Variants in CEP83 observed in about 807,000 individuals in gnomAD.
CEP83 encodes centrosomal protein of 83 kDa.
Under a neutral mutation model 101.9 loss-of-function variants are expected in CEP83, and 70 were observed. That is an observed-to-expected ratio of 0.69 (90% confidence interval 0.57 to 0.84). The LOEUF (loss-of-function observed/expected upper bound fraction) is 0.84. CEP83 is among the 40% of genes least tolerant of loss of function. CEP83 has a pLI of 0.00. For synonymous variants in CEP83, 264 were observed against 267.9 expected (o/e 0.99, Z 0.14); for missense variants, 715 against 787.2 (o/e 0.91, Z 1.10).
chr12:94,419,682 C>A (rs1287787127), intron 2 of CEP83, among the ~76,000 whole-genome samples: 1 of 151,970 alleles, frequency 6.6e-6, no homozygotes, highest in Non-Finnish European at 1.5e-5. Context: ...CAGGACACAG[C>A]CCATAAACTG....
At chr12:94,306,237 A>AG (rs1968998581), downstream of CEP83, 1 of 151,882 alleles carries the variant, frequency 6.6e-6, no homozygotes, top group Non-Finnish European at 1.5e-5. Flanking sequence ...AAAAAAAAAA[A>AG]GATACATTTT....
At chr12:94,343,470 C>CTTTTTTTTTTTTTTTTTTT (rs1161481202) in intron 11 of CEP83, among the ~76,000 whole-genome samples, 5 of 84,168 alleles carry the variant, frequency 5.9e-5, no homozygotes, top group African/African-American at 2.1e-4. Flanking sequence ...TAGAAATTAA[C>CTTTTTTTTTTTTTTTTTTT]TTTTTTTTTT....
the CEP83 span, among the ~76,000 whole-genome samples, chr12:94,291,792 A>G: frequency 6.6e-6 from 1 of 152,154 alleles, no homozygotes; most frequent in East Asian, 1.9e-4. Flanking sequence ...TCGTGGGTAC[A>G]TGTGCAGGTT....
intron 14 of CEP83, among the ~76,000 whole-genome samples, chr12:94,315,462 T>A (rs190977711): frequency 6.6e-6 from 1 of 152,174 alleles, no homozygotes; most frequent in African/African-American, 2.4e-5. Flanking sequence ...TAGTTCTTTA[T>A]ATATTCAAGA....
intron 1 of CEP83, among the ~76,000 whole-genome samples, chr12:94,440,470 T>C (rs919113102): frequency 6.7e-6 from 1 of 150,046 alleles, no homozygotes; most frequent in Non-Finnish European, 1.5e-5. Flanking sequence ...TACTTAGGAA[T>C]ATACCTAACC....
chr12:94,448,863 C>T (rs566285188), intron 1 of CEP83, among the ~76,000 whole-genome samples: 60 of 151,842 alleles, frequency 4.0e-4, no homozygotes, highest in Admixed American at 3.6e-3. Context: ...AAGCTTCCAT[C>T]TTAGGAAACT....
chr12:94,286,257 A>G, the CEP83 span, among the ~76,000 whole-genome samples: 1 of 152,206 alleles, frequency 6.6e-6, no homozygotes, highest in East Asian at 1.9e-4. Flanking sequence ...TTATGTTTAA[A>G]AAGCTAAGCC....
At chr12:94,280,571 G>A in the CEP83 span, among the ~76,000 whole-genome samples, 1 of 152,338 alleles carries the variant, frequency 6.6e-6, no homozygotes, top group East Asian at 1.9e-4. Context: ...AAGCAGGGCT[G>A]CTAAGGCACC....
chr12:94,377,027 G>C (rs1444666266), intron 7 of CEP83, among the ~76,000 whole-genome samples: 1 of 151,928 alleles, frequency 6.6e-6, no homozygotes, highest in Non-Finnish European at 1.5e-5. Flanking sequence ...AGGCATAAGC[G>C]ACCACACCTG....
At chr12:94,410,129 A>G (rs1231888201) in intron 4 of CEP83, among the ~76,000 whole-genome samples, 1 of 152,182 alleles carries the variant, frequency 6.6e-6, no homozygotes, top group Non-Finnish European at 1.5e-5. Context: ...ATCCCAATTC[A>G]TTCATTTATT....
intron 2 of CEP83, among the ~76,000 whole-genome samples, chr12:94,415,326 A>G (rs936552408): frequency 6.6e-6 from 1 of 152,144 alleles, no homozygotes; most frequent in African/African-American, 2.4e-5. Context: ...GACAAAACTA[A>G]AGGACTGAGC....
intron 11 of CEP83, among the ~76,000 whole-genome samples, chr12:94,343,061 G>A (rs983122381): frequency 6.6e-6 from 1 of 151,774 alleles, no homozygotes; most frequent in Non-Finnish European, 1.5e-5. Flanking sequence ...GATCCTATGT[G>A]TACAGACACA....
intron 11 of CEP83, among the ~76,000 whole-genome samples, chr12:94,357,501 CGG>C (rs1555228612): frequency 2.6e-5 from 4 of 152,146 alleles, no homozygotes; most frequent in Non-Finnish European, 5.9e-5. Flanking sequence ...AATCCGATTT[CGG>C]GAAATGCCAT....
intron 11 of CEP83, among the ~76,000 whole-genome samples, chr12:94,338,967 T>C (rs571483890): frequency 6.6e-6 from 1 of 152,006 alleles, no homozygotes; most frequent in Admixed American, 6.5e-5. Context: ...TTCTTTTTTT[T>C]TTTTTCTTTT....
At chr12:94,404,486 A>G (rs1018553765) in intron 4 of CEP83, among the ~76,000 whole-genome samples, 10 of 152,164 alleles carry the variant, frequency 6.6e-5, no homozygotes, top group Admixed American at 5.2e-4. Context: ...GGACCACATT[A>G]AGTACTACAG....
chr12:94,363,774 C>T (rs537956470), intron 11 of CEP83, among the ~76,000 whole-genome samples: 3 of 151,882 alleles, frequency 2.0e-5, no homozygotes, highest in South Asian at 4.2e-4. Flanking sequence ...CATGGTGAAA[C>T]GGCATCTCTA....
intron 11 of CEP83, among the ~76,000 whole-genome samples, chr12:94,359,879 A>C (rs1349439853): frequency 6.6e-6 from 1 of 152,150 alleles, no homozygotes; most frequent in Non-Finnish European, 1.5e-5. Context: ...AAAAACCCTC[A>C]ACAAAAACAC....
chr12:94,401,069 C>T lies in CEP83; in HGVS notation c.418-88G>A, dbSNP rs551057302. 7.5e-6 allele frequency: 5 copies of T among 669,404 alleles called. No individual in the cohort carries two copies. The South Asian group carries it at 2.2e-4, about 29-fold the overall frequency. 41.5% of individuals were successfully genotyped at this position (669,404 alleles called of 1,614,324 possible). ...CTTTTACAAATATAATTTTAAATTA[C>T]ATTATAATGATAGCCACTCTAAAAG... On this transcript the variant is annotated intron_variant, in intron 5 of 16. Transcript: ENST00000397809.
chr12:94,420,857 C>G (rs1230353043), intron 2 of CEP83, among the ~76,000 whole-genome samples: 2 of 151,904 alleles, frequency 1.3e-5, no homozygotes, highest in Non-Finnish European at 1.5e-5. Context: ...ATAGGGGATA[C>G]ATGCTTAGGT....
Sources: allele counts gnomAD v4.1 joint callset (sites outside exome capture counted in the v4.1 genomes callset), GRCh38; gene constraint gnomAD v4.1.1; transcripts MANE v1.5; gene names NCBI Gene and HGNC (gene_info 2026-07-23, HGNC 2026-07-21).